MTCL1: variants seen among roughly 807,000 people sequenced by gnomAD.
The protein encoded by MTCL1 is microtubule crosslinking factor 1.
A neutral mutation model predicts 141.4 loss-of-function variants in MTCL1; 79 were observed. The observed-to-expected ratio is 0.56, with a 90% CI of 0.47 to 0.67. The LOEUF is 0.67. Ranked by LOEUF, MTCL1 falls within the 30% of genes least tolerant of loss-of-function variation. MTCL1 has a pLI of 0.00. For missense variants in MTCL1, 2,177 were observed against 2,113.9 expected, an observed-to-expected ratio of 1.03 and a Z score of -0.59; for synonymous variants, 914 against 875.8, an observed-to-expected ratio of 1.04 and a Z score of -0.77.
intron 8 of MTCL1, among the ~76,000 whole-genome samples, chr18:8,794,835 G>A (rs780920248): frequency 6.6e-6 from 1 of 152,178 alleles, no homozygotes; most frequent in Non-Finnish European, 1.5e-5. Context: ...ACTGATCTTT[G>A]TTATAGATTA....
chr18:8,815,356 G>C (rs2076617448), intron 12 of MTCL1, among the ~76,000 whole-genome samples: 1 of 151,990 alleles, frequency 6.6e-6, no homozygotes, highest in Non-Finnish European at 1.5e-5. Flanking sequence ...ATCATTCTCA[G>C]TACTGTCGCA....
exon 1 of MTCL1, chr18:8,706,695 G>C (rs1215754131): frequency 3.2e-6 from 5 of 1,546,136 alleles, no homozygotes; most frequent in Non-Finnish European, 4.4e-6. Context: ...AGCTGCGCTC[G>C]GAGAACGACT....
At chr18:8,821,400 A>T in intron 13 of MTCL1, 67 bp from the exon 13 acceptor site, 1 of 1,005,144 alleles carries the variant, frequency 9.9e-7, no homozygotes, top group Non-Finnish European at 1.5e-6. Context: ...CAAATCACTT[A>T]AGTACATTCA....
chr18:8,723,178 G>C (rs2096184601), intron 4 of MTCL1, among the ~76,000 whole-genome samples: 1 of 152,184 alleles, frequency 6.6e-6, no homozygotes, highest in East Asian at 1.9e-4. Flanking sequence ...AGAACCGACA[G>C]GAGTCCCAGG....
intron 12 of MTCL1, 43 bp from the exon 12 acceptor site, chr18:8,818,920 C>T: frequency 6.4e-7 from 1 of 1,569,282 alleles, no homozygotes; most frequent in Admixed American, 1.8e-5. Flanking sequence ...GACCATCAGA[C>T]AGAAAAGTGA....
At chr18:8,813,061 T>C (rs765583794) in exon 12 of MTCL1, 1 of 1,614,094 alleles carries the variant, frequency 6.2e-7, no homozygotes, top group South Asian at 1.1e-5. Flanking sequence ...GAGAGAGAGG[T>C]GCACCAGAAG....
chr18:8,777,397 A>T (rs899712643), intron 4 of MTCL1, among the ~76,000 whole-genome samples: 4 of 152,210 alleles, frequency 2.6e-5, no homozygotes, highest in Admixed American at 2.6e-4. Flanking sequence ...CCTGGCCAGG[A>T]AACACCAATT....
chr18:8,748,689 A>ATG (rs1491376711), intron 4 of MTCL1, among the ~76,000 whole-genome samples: 7 of 152,168 alleles, frequency 4.6e-5, no homozygotes, highest in South Asian at 2.1e-4. Flanking sequence ...AAGACTCTAC[A>ATG]TGTGTGTGTA....
At position 8,791,154 on chromosome 18, in the gene MTCL1, G is replaced by C. The variant is rs552406615; in HGVS notation, c.1888-1844G>C. On this transcript the variant is annotated intron_variant, in intron 7 of 16. Transcript: ENST00000359865. ...TCCAAGGGAACAGGAGATGGGGCCT[G>C]GGCCCAACATTGCAGGGAAAGAAAG... Among the ~76,000 whole-genome samples, 5 of 152,272 alleles carry C rather than the reference G, an allele frequency of 3.3e-5. No individual in the cohort carries two copies. In the East Asian group the frequency reaches 9.7e-4, roughly 29 times the overall value.
intron 11 of MTCL1, among the ~76,000 whole-genome samples, chr18:8,808,410 T>C (rs2076374352): frequency 6.6e-6 from 1 of 152,224 alleles, no homozygotes; most frequent in Non-Finnish European, 1.5e-5. Flanking sequence ...CATCTTTGTT[T>C]TATAGGAACG....
intron 10 of MTCL1, among the ~76,000 whole-genome samples, chr18:8,806,066 C>G (rs2076286896): frequency 6.6e-6 from 1 of 152,130 alleles, no homozygotes. Context: ...GACACATTTG[C>G]ATGCTTAACA....
At chr18:8,744,624 G>T (rs1187050878) in intron 4 of MTCL1, among the ~76,000 whole-genome samples, 1 of 151,896 alleles carries the variant, frequency 6.6e-6, no homozygotes, top group East Asian at 1.9e-4. Flanking sequence ...TCTTTTCACA[G>T]GTTTGGATAC....
At chr18:8,706,288 T>C in exon 1 of MTCL1, 2 of 1,229,596 alleles carry the variant, frequency 1.6e-6, no homozygotes, top group Non-Finnish European at 2.0e-6. Flanking sequence ...GGACAGCAGC[T>C]CCGACCTCTC....
At chr18:8,714,771 A>T (rs1043358487), upstream of MTCL1, among the ~76,000 whole-genome samples, 6 of 151,712 alleles carry the variant, frequency 4.0e-5, no homozygotes, top group African/African-American at 1.5e-4. Context: ...CAGCCAAACC[A>T]TATCATATGA....
chr18:8,721,614 C>A (rs566997607), intron 4 of MTCL1, among the ~76,000 whole-genome samples: 1 of 152,232 alleles, frequency 6.6e-6, no homozygotes, highest in Non-Finnish European at 1.5e-5. Context: ...TCTTTCGGGT[C>A]CTTGCTGAGA....
intron 4 of MTCL1, among the ~76,000 whole-genome samples, chr18:8,775,050 A>G (rs1038617578): frequency 5.9e-5 from 9 of 152,132 alleles, no homozygotes; most frequent in African/African-American, 1.9e-4. Flanking sequence ...GCAGCAGCCC[A>G]TGATTCTGCG....
chr18:8,744,439 C>A (rs1468918015), intron 4 of MTCL1, among the ~76,000 whole-genome samples: 1 of 152,166 alleles, frequency 6.6e-6, no homozygotes, highest in African/African-American at 2.4e-5. Context: ...TTCTTCATCC[C>A]CTTGGAACAT....
chr18:8,744,963 C>G (rs1024239379), intron 4 of MTCL1, among the ~76,000 whole-genome samples: 2 of 152,232 alleles, frequency 1.3e-5, no homozygotes, highest in Non-Finnish European at 2.9e-5. Context: ...CCTGAGCTGT[C>G]CGGCTGTGGC....
chr18:8,727,380 A>G (rs181732426), intron 4 of MTCL1, among the ~76,000 whole-genome samples: 20 of 152,308 alleles, frequency 1.3e-4, no homozygotes, highest in African/African-American at 4.8e-4. Flanking sequence ...ACTGTTTTCC[A>G]TAGAGCTGTA....
Sources: gnomAD v4.1 joint callset for allele counts (sites outside exome capture counted in the v4.1 genomes callset) on GRCh38, gnomAD v4.1.1 for gene constraint, MANE v1.5 for transcripts, NCBI Gene and HGNC (gene_info 2026-07-23, HGNC 2026-07-21) for gene names.